Variants in ST6GALNAC3 observed in about 807,000 individuals in gnomAD.
ST6GALNAC3 encodes alpha-N-acetylgalactosaminide alpha-2,6-sialyltransferase 3.
In ST6GALNAC3, 25 loss-of-function variants were observed where a neutral mutation model predicts 32.7. The observed-to-expected ratio is 0.76, with a 90% confidence interval of 0.56 to 1.07. The LOEUF (loss-of-function observed/expected upper bound fraction) is 1.07. ST6GALNAC3 is among the 50% of genes least tolerant of loss of function. The pLI, the probability that ST6GALNAC3 is intolerant of heterozygous loss-of-function variation, is 0.00. For synonymous variants in ST6GALNAC3, 129 were observed against 133.1 expected, an observed-to-expected ratio of 0.97 and a Z score of 0.21; for missense variants, 355 against 382.4, an observed-to-expected ratio of 0.93 and a Z score of 0.60.
intron 3 of ST6GALNAC3, among the ~76,000 whole-genome samples, chr1:76,513,485 CTG>C (rs1248745178): frequency 6.6e-6 from 1 of 152,068 alleles, no homozygotes; most frequent in Non-Finnish European, 1.5e-5. Context: ...TTCCATTGAT[CTG>C]TGTGTCTGCT....
chr1:76,112,292 G>C (rs1648053232), intron 1 of ST6GALNAC3, among the ~76,000 whole-genome samples: 1 of 138,840 alleles, frequency 7.2e-6, no homozygotes, highest in Admixed American at 7.0e-5. Flanking sequence ...CGGGCAGAGG[G>C]GCTCCTCACT....
intron 3 of ST6GALNAC3, among the ~76,000 whole-genome samples, chr1:76,416,634 T>TTG (rs1429477933): frequency 1.4e-5 from 2 of 146,144 alleles, no homozygotes; most frequent in African/African-American, 5.0e-5. Context: ...TTTGTTTTTT[T>TTG]TTTTTTTTTT....
intron 1 of ST6GALNAC3, among the ~76,000 whole-genome samples, chr1:76,193,861 G>A (rs758670273): frequency 7.2e-5 from 11 of 152,138 alleles, no homozygotes; most frequent in Non-Finnish European, 1.2e-4. Context: ...GTATCCTCAC[G>A]TGGTAGAGAG....
chr1:76,522,656 T>G (rs997637570), intron 3 of ST6GALNAC3, among the ~76,000 whole-genome samples: 1 of 152,230 alleles, frequency 6.6e-6, no homozygotes, highest in African/African-American at 2.4e-5. Flanking sequence ...TGGCTTTATA[T>G]TATGCCAACT....
intron 3 of ST6GALNAC3, among the ~76,000 whole-genome samples, chr1:76,614,337 G>T (rs1044792468): frequency 6.9e-4 from 105 of 152,254 alleles, no homozygotes; most frequent in Admixed American, 1.8e-3. Flanking sequence ...ACTTCTAATG[G>T]AATTCTCAAA....
At chr1:76,081,637 T>TTAA (rs1467868143) in intron 1 of ST6GALNAC3, among the ~76,000 whole-genome samples, 1 of 152,136 alleles carries the variant, frequency 6.6e-6, no homozygotes, top group Non-Finnish European at 1.5e-5. Flanking sequence ...TAAGAAGGCT[T>TTAA]TAATTCTGTT....
chr1:76,417,217 C>T (rs1442663087), intron 3 of ST6GALNAC3, among the ~76,000 whole-genome samples: 11 of 138,376 alleles, frequency 7.9e-5, no homozygotes, highest in South Asian at 2.6e-4. Context: ...TTTTTTTTTT[C>T]TTTCTTTCTT....
chr1:76,325,853 T>C (rs1278247031), intron 2 of ST6GALNAC3, among the ~76,000 whole-genome samples: 1 of 151,698 alleles, frequency 6.6e-6, no homozygotes, highest in Non-Finnish European at 1.5e-5. Flanking sequence ...ATCAACATTT[T>C]TTTGGTAAAT....
intron 3 of ST6GALNAC3, among the ~76,000 whole-genome samples, chr1:76,435,863 T>A (rs1004560563): frequency 1.7e-5 from 2 of 118,658 alleles, no homozygotes; most frequent in Non-Finnish European, 1.9e-5. Flanking sequence ...TTTTTTATTT[T>A]TTTTTTTAAT....
intron 1 of ST6GALNAC3, among the ~76,000 whole-genome samples, chr1:76,280,090 G>A (rs927355430): frequency 1.3e-5 from 2 of 150,764 alleles, no homozygotes; most frequent in African/African-American, 4.9e-5. Flanking sequence ...CTTCTCCTTC[G>A]CCTTTTCTCT....
intron 3 of ST6GALNAC3, among the ~76,000 whole-genome samples, chr1:76,548,997 G>A (rs1193030722): frequency 6.6e-6 from 1 of 152,150 alleles, no homozygotes; most frequent in African/African-American, 2.4e-5. Flanking sequence ...TAGATGAAAA[G>A]AGAAGAGAAG....
At chr1:76,562,852 G>A (rs146083412) in intron 3 of ST6GALNAC3, among the ~76,000 whole-genome samples, 1 of 152,288 alleles carries the variant, frequency 6.6e-6, no homozygotes, top group African/African-American at 2.4e-5. Context: ...AATCTAAACT[G>A]TTCATCAGAT....
At chr1:76,612,095 CT>C (rs1557625607) in intron 3 of ST6GALNAC3, among the ~76,000 whole-genome samples, 1 of 152,118 alleles carries the variant, frequency 6.6e-6, no homozygotes, top group Non-Finnish European at 1.5e-5. Context: ...GCATGTTTTT[CT>C]TTTTTTATTT....
At chr1:76,427,720 C>T (rs1230754785) in intron 3 of ST6GALNAC3, among the ~76,000 whole-genome samples, 1 of 151,972 alleles carries the variant, frequency 6.6e-6, no homozygotes, top group African/African-American at 2.4e-5. Flanking sequence ...TTTTTAAGTG[C>T]ACATTGCCAG....
At chr1:76,407,886 C>T (rs1653946785) in intron 2 of ST6GALNAC3, among the ~76,000 whole-genome samples, 1 of 151,818 alleles carries the variant, frequency 6.6e-6, no homozygotes, top group Non-Finnish European at 1.5e-5. Context: ...AAGCAAAGCC[C>T]CCAAATCAAA....
At chr1:76,159,714 C>A (rs2100370711) in intron 1 of ST6GALNAC3, among the ~76,000 whole-genome samples, 3 of 152,300 alleles carry the variant, frequency 2.0e-5, no homozygotes, top group African/African-American at 7.2e-5. Context: ...GACATGAAAA[C>A]AACTAAGTAT....
At chr1:76,196,728 A>T (rs1462176636) in intron 1 of ST6GALNAC3, among the ~76,000 whole-genome samples, 1 of 152,126 alleles carries the variant, frequency 6.6e-6, no homozygotes, top group East Asian at 1.9e-4. Flanking sequence ...GGCCTCCCAA[A>T]GTGCTATTAC....
Position 76,631,083 on chromosome 1 carries a change from G to C in ST6GALNAC3, c.*2277G>C, listed in dbSNP as rs1649276463. The C allele has an allele frequency of 1.1e-6, 1 of 949,062 alleles. No individual in the cohort carries two copies. The allele number at this position is 949,062 out of a possible 1,614,324, so 58.8% of individuals were successfully genotyped here. On this transcript the variant is annotated 3_prime_UTR_variant, in exon 5 of 5. Transcript: ENST00000328299. The stretch of plus-strand genomic sequence containing the variant: ...CTCCTGCCTCGTTGTAGCTTTCTCT[G>C]ATGAAGACTTCTGCAGTATATTGTA...
Position 76,205,380 on chromosome 1 carries a change from C to T in ST6GALNAC3, c.19-108425C>T, listed in dbSNP as rs561502001. Among the ~76,000 whole-genome samples the T allele has an allele frequency of 5.9e-5, 9 of 152,160 alleles. No individual in the cohort carries two copies. In the South Asian group the frequency reaches 1.9e-3, roughly 32 times the overall value. On this transcript the variant is annotated intron_variant, in intron 1 of 4. Transcript: ENST00000328299. Reference sequence around the variant, plus strand: ...GATGGTGGGCAGGTCACTACATCTCCCCATCTACCTCCCTGCTTGCTTAGG... The same window carrying T: ...GATGGTGGGCAGGTCACTACATCTCTCCATCTACCTCCCTGCTTGCTTAGG...
Sources: allele counts gnomAD v4.1 joint callset (sites outside exome capture counted in the v4.1 genomes callset), GRCh38; gene constraint gnomAD v4.1.1; transcripts MANE v1.5; gene names NCBI Gene and HGNC (gene_info 2026-07-23, HGNC 2026-07-21).